Variants in KCNQ1 observed in about 807,000 individuals in gnomAD.
KCNQ1 encodes potassium voltage-gated channel subfamily Q member 1, also known as potassium voltage-gated channel subfamily KQT member 1.
KCNQ1 carries 49 observed loss-of-function variants against 72.4 expected under a neutral mutation model. The ratio of observed to expected loss-of-function variants is 0.68; its 90% CI spans 0.54 to 0.86. The LOEUF (loss-of-function observed/expected upper bound fraction) is 0.86. KCNQ1 is among the 40% of genes least tolerant of loss of function. The pLI is 0.00. For missense variants in KCNQ1, 790 were observed against 945.1 expected, an observed-to-expected ratio of 0.84 and a Z score of 2.15; for synonymous variants, 450 against 412.6, an observed-to-expected ratio of 1.09 and a Z score of -1.10.
intron 11 of KCNQ1, chr11:2,696,186 G>A (rs1450735840): frequency 7.5e-6 from 3 of 398,422 alleles, no homozygotes; most frequent in Non-Finnish European, 1.3e-5. Context: ...GAACCCCACG[G>A]CCACCCTGGC....
At position 2,482,933 on chromosome 11, in the gene KCNQ1, C is replaced by T. The variant is rs1589905547; in HGVS notation, c.386+37449C>T. 6.6e-6 allele frequency among the ~76,000 whole-genome samples: 1 copy of T among 152,282 alleles called. No homozygotes were observed. Among genetic ancestry groups the T allele is most frequent in the South Asian group, 2.1e-4 (1 of 4,808 alleles). On this transcript the variant is annotated intron_variant, in intron 1 of 15. Coordinates refer to ENST00000155840, the MANE Select transcript of KCNQ1 (RefSeq NM_000218.3). The surrounding 1 kb of genome is among the most constrained non-coding windows in gnomAD (Gnocchi z 5.7). Reference sequence around the variant, plus strand: ...GAGAATGGAGAGAGTCATGGACCGGCATGGCGTGGTAATGCATGGTGCGTG... The same window carrying T: ...GAGAATGGAGAGAGTCATGGACCGGTATGGCGTGGTAATGCATGGTGCGTG...
chr11:2,496,239 A>T (rs927458518), intron 1 of KCNQ1, among the ~76,000 whole-genome samples: 6 of 151,958 alleles, frequency 3.9e-5, no homozygotes, highest in Non-Finnish European at 7.4e-5. Flanking sequence ...GATCGAGACC[A>T]TCCTGGCTAA....
rs573944764 is a variant in KCNQ1 at position 2,450,876 on chromosome 11, C to T, written c.386+5392C>T. Among the ~76,000 whole-genome samples the T allele has an allele frequency of 2.6e-5, 4 of 152,308 alleles. No individual in the cohort carries two copies. Among genetic ancestry groups the T allele is most frequent in the African/African-American group, 9.6e-5 (4 of 41,568 alleles). On this transcript the variant is annotated intron_variant, in intron 1 of 15. Coordinates refer to ENST00000155840, the MANE Select transcript of KCNQ1 (RefSeq NM_000218.3). This position sits in a 1 kb window ranked among gnomAD's most constrained non-coding sequence, Gnocchi z 7.9. ...GTGGCTTCTGCTGCCTGGCCCAGCC[C>T]TCTTCTGGGAGCCCCACGTGGGTGG...
In KCNQ1 at chr11:2,745,583, A is replaced by G. The variant is rs1181084124; in HGVS notation, c.1515-23261A>G. Among the ~76,000 whole-genome samples the G allele has an allele frequency of 6.6e-6, 1 of 152,210 alleles. No homozygotes were observed. The highest frequency in any genetic ancestry group is 2.4e-5 in the African/African-American group (1 of 41,460). On this transcript the variant is annotated intron_variant, in intron 11 of 15. Transcript: ENST00000155840. The surrounding 1 kb of genome is among the most constrained non-coding windows in gnomAD (Gnocchi z 6.2). ...GGAGTCAGCGTGACCACAGGCCCCC[A>G]TTCCCCAGCCCCTAATGTTCTTGCC...
At position 2,733,846 on chromosome 11, in the gene KCNQ1, T is replaced by A. The variant is rs897023522; in HGVS notation, c.1515-34998T>A. Among the ~76,000 whole-genome samples the A allele has an allele frequency of 4.4e-4, 23 of 52,376 alleles. 2 individuals are homozygous for A. The highest frequency in any genetic ancestry group is 6.0e-4 in the African/African-American group (5 of 8,294). 34.4% of individuals were successfully genotyped at this position (52,376 alleles called of 152,430 possible). Reference sequence around the variant, plus strand: ...CACTCTCTCTCTCTCTCTCTCTCTCTCTCTCTCTCTCCCCCCCCACTTCAG... The same window carrying A: ...CACTCTCTCTCTCTCTCTCTCTCTCACTCTCTCTCTCCCCCCCCACTTCAG... On this transcript the variant is annotated intron_variant, in intron 11 of 15. Transcript: ENST00000155840.
In KCNQ1 at chr11:2,695,328, T is replaced by TTGTGTGTG. The variant is rs61588088; in HGVS notation, c.1514+33256_1514+33263dup. 1.2e-4 allele frequency: 49 copies of TTGTGTGTG among 393,960 alleles called. No homozygotes were observed. The East Asian group carries it at 1.7e-3, about 14-fold the overall frequency. 24.4% of individuals were successfully genotyped at this position (393,960 alleles called of 1,614,324 possible). On this transcript the variant is annotated intron_variant, in intron 11 of 15. Transcript: ENST00000155840. This position sits in a 1 kb window ranked among gnomAD's most constrained non-coding sequence, Gnocchi z 5.2. ...TCTCCAGGGTAATTTATTTATATCA[T>TTGTGTGTG]TGTGTGTGTGTGTGTGCACTCACGA... is the stretch of plus-strand genomic sequence containing the variant.
At chr11:2,609,469 T>A (rs752701795) in intron 10 of KCNQ1, 2 of 398,338 alleles carry the variant, frequency 5.0e-6, no homozygotes, top group South Asian at 1.3e-4. Flanking sequence ...ATGTCTCATG[T>A]GCACTTGAAA....
intron 15 of KCNQ1, among the ~76,000 whole-genome samples, chr11:2,837,156 A>G (rs570230052): frequency 4.6e-4 from 70 of 152,216 alleles, no homozygotes; most frequent in African/African-American, 1.7e-3. Context: ...CAGCCTCTCG[A>G]GTGTCCAGAG....
Position 2,795,556 on chromosome 11 carries a change from CCCCTGATCTAAACCA to C in KCNQ1, c.1794+17524_1794+17538del, listed in dbSNP as rs1419093359. On this transcript the variant is annotated intron_variant, in intron 15 of 15. Coordinates refer to ENST00000155840, the MANE Select transcript of KCNQ1 (RefSeq NM_000218.3). ...CCCAACCCAGCCTGGCTTGAGCAGG[CCCCTGATCTAAACCA>C]CCCTACCCCACACCCACTGGGGCTC... Among the ~76,000 whole-genome samples, 69 of 152,308 alleles carry C rather than the reference CCCCTGATCTAAACCA, an allele frequency of 4.5e-4. 1 individual carries two copies. The highest frequency in any genetic ancestry group is 1.4e-3 in the African/African-American group (58 of 41,564).
rs1846605866 is a variant in KCNQ1, at chr11:2,478,471, A to T, written c.386+32987A>T. Reference sequence around the variant, plus strand: ...GAAGATGAAGGAAGAACAAAGGAACATCTTACATGATGACAGGCAAAGAGA... The same window carrying T: ...GAAGATGAAGGAAGAACAAAGGAACTTCTTACATGATGACAGGCAAAGAGA... On this transcript the variant is annotated intron_variant, in intron 1 of 15. Transcript: ENST00000155840. The surrounding 1 kb of genome is among the most constrained non-coding windows in gnomAD (Gnocchi z 4.0). Among the ~76,000 whole-genome samples, 1 of 152,210 alleles carries T rather than the reference A, an allele frequency of 6.6e-6. No homozygotes were observed. Among genetic ancestry groups the T allele is most frequent in the Non-Finnish European group, 1.5e-5 (1 of 68,032 alleles).
At position 2,598,490 on chromosome 11, in the gene KCNQ1, T is replaced by G. The variant is rs1848760934; in HGVS notation, c.1393+9636T>G. 6.6e-6 allele frequency among the ~76,000 whole-genome samples: 1 copy of G among 152,176 alleles called. No homozygotes were observed. Among genetic ancestry groups the G allele is most frequent in the Middle Eastern group, 3.2e-3 (1 of 316 alleles). ...TGCTCCACAGACCTCAGAAAATATC[T>G]TCTGTATTTGTATAACACAAAGTTT... On this transcript the variant is annotated intron_variant, in intron 10 of 15. Coordinates refer to ENST00000155840, the MANE Select transcript of KCNQ1 (RefSeq NM_000218.3). The surrounding 1 kb of genome is among the most constrained non-coding windows in gnomAD (Gnocchi z 6.2).
intron 15 of KCNQ1, among the ~76,000 whole-genome samples, chr11:2,804,342 C>T (rs577851213): frequency 1.9e-4 from 29 of 152,358 alleles, no homozygotes; most frequent in South Asian, 1.2e-3. Flanking sequence ...GCCACCAAGT[C>T]ACCCAACTCA....
At chr11:2,571,233 C>T in intron 3 of KCNQ1, 92 bp from the exon 4 acceptor site, 2 of 1,063,748 alleles carry the variant, frequency 1.9e-6, no homozygotes, top group South Asian at 2.5e-5. Flanking sequence ...GACCAGCAAG[C>T]CCCTTCCCCA....
chr11:2,633,857 G>A (rs778366647), intron 10 of KCNQ1: 39 of 398,386 alleles, frequency 9.8e-5, no homozygotes, highest in Non-Finnish European at 1.5e-4. Flanking sequence ...TGTGTAATGC[G>A]CATATACAAA....
Position 2,663,509 on chromosome 11 carries a change from T to C in KCNQ1, c.1514+1428T>C, listed in dbSNP as rs368879331. 3.2e-3 allele frequency: 1,265 copies of C among 398,674 alleles called. 11 individuals are homozygous for C. The highest frequency in any genetic ancestry group is 0.022 in the African/African-American group (1,076 of 48,748). The allele number at this position is 398,674 out of a possible 1,614,324, so 24.7% of individuals were successfully genotyped here. ...TGCAATACAGGTGGCAGTGCCTGTA[T>C]TGCCTCTTGGCTGTCCCCTCAGAGA... On this transcript the variant is annotated intron_variant, in intron 11 of 15. Transcript: ENST00000155840. The surrounding 1 kb of genome is among the most constrained non-coding windows in gnomAD (Gnocchi z 5.2).
Position 2,668,719 on chromosome 11 carries a change from C to T in KCNQ1, c.1514+6638C>T, listed in dbSNP as rs1365594532. ...ACTCACACTCTCTCACAGACACACA[C>T]ATTGCAAATATCGCCTCCCCCTCTG... On this transcript the variant is annotated intron_variant, in intron 11 of 15. Transcript: ENST00000155840. This position sits in a 1 kb window ranked among gnomAD's most constrained non-coding sequence, Gnocchi z 4.3. 7.5e-6 allele frequency: 3 copies of T among 398,526 alleles called. No homozygotes were observed. 24.7% of individuals were successfully genotyped at this position (398,526 alleles called of 1,614,324 possible). A position where few individuals can be genotyped will look rare whatever the true frequency, so the allele number is the denominator to read the frequency against.
In KCNQ1 at chr11:2,670,660, T is replaced by C. The variant is rs1303584478; in HGVS notation, c.1514+8579T>C. ...AGAGGCCAGGATGAACCCTGAAGAT[T>C]GGTAGGAAGGCAGTGTAGCAGTAAC... On this transcript the variant is annotated intron_variant, in intron 11 of 15. Transcript: ENST00000155840. This position sits in a 1 kb window ranked among gnomAD's most constrained non-coding sequence, Gnocchi z 4.9. 5.0e-6 allele frequency: 2 copies of C among 398,232 alleles called. No individual in the cohort carries two copies. Among genetic ancestry groups the C allele is most frequent in the African/African-American group, 4.1e-5 (2 of 48,516 alleles). The allele number at this position is 398,232 out of a possible 1,614,324, so 24.7% of individuals were successfully genotyped here.
intron 2 of KCNQ1, among the ~76,000 whole-genome samples, chr11:2,556,135 A>G (rs1050182786): frequency 3.9e-5 from 6 of 152,092 alleles, no homozygotes; most frequent in African/African-American, 1.4e-4. Flanking sequence ...GACGCATCGC[A>G]CCAGACCCTG....
intron 1 of KCNQ1, among the ~76,000 whole-genome samples, chr11:2,472,926 C>T (rs1846511429): frequency 2.0e-5 from 3 of 152,016 alleles, no homozygotes; most frequent in Admixed American, 2.0e-4. Context: ...CAGGGCCCCC[C>T]ATCACCCCAG....
Sources: gnomAD v4.1 joint callset for allele counts (sites outside exome capture counted in the v4.1 genomes callset) on GRCh38, gnomAD v4.1.1 for gene constraint, Gnocchi (gnomAD v3.1) non-coding constraint, MANE v1.5 for transcripts, NCBI Gene and HGNC (gene_info 2026-07-23, HGNC 2026-07-21) for gene names.